The following EFHB variants were observed in gnomAD, a reference collection of about 807,000 sequenced individuals.
The protein encoded by EFHB is EF-hand domain family member B, also known as EF-hand domain-containing family member B.
A neutral mutation model predicts 87.2 loss-of-function variants in EFHB; 91 were observed. The ratio of observed to expected loss-of-function variants is 1.04; its 90% CI spans 0.88 to 1.24. EFHB has a LOEUF of 1.24. EFHB is among the 50% of genes most tolerant of loss of function. The pLI is 0.00. For missense variants in EFHB, 1,084 were observed against 998.8 expected (o/e 1.09, Z -1.15); for synonymous variants, 325 against 333.6 (o/e 0.97, Z 0.28).
Position 19,919,988 on chromosome 3 carries a change from G to A in EFHB, c.853-12C>T. On this transcript the variant is annotated splice_polypyrimidine_tract_variant and intron_variant, in intron 2 of 12. Transcript: ENST00000295824. ...GGTGGAGTAATTAGCTACAAAGAGTGAGGCAAGAAAATAGTATTAAGTACA... is the reference window on the plus strand; with the variant it reads ...GGTGGAGTAATTAGCTACAAAGAGTAAGGCAAGAAAATAGTATTAAGTACA... The A allele has an allele frequency of 6.2e-7, 1 of 1,613,380 alleles. No individual in the cohort carries two copies. Among genetic ancestry groups the A allele is most frequent in the Non-Finnish European group, 8.5e-7 (1 of 1,179,594 alleles).
chr3:19,898,765 T>G lies in EFHB; in HGVS notation c.1570+13A>C. On this transcript the variant is annotated intron_variant, in intron 8 of 12. Transcript: ENST00000295824. ...TGTTTGGGGTTTTTTACGGAGAAAG[T>G]GTGTATATTTACCATATTCCTCAGG... 5.0e-6 allele frequency: 8 copies of G among 1,612,790 alleles called. No homozygotes were observed. The highest frequency in any genetic ancestry group is 6.8e-6 in the Non-Finnish European group (8 of 1,179,282).
chr3:19,900,926 C>CAA (rs35992446), intron 6 of EFHB, among the ~76,000 whole-genome samples: 173 of 135,122 alleles, frequency 1.3e-3, no homozygotes, highest in South Asian at 8.9e-3. Flanking sequence ...GAGCCTGTCT[C>CAA]AAAAAAAAAA....
upstream of EFHB, among the ~76,000 whole-genome samples, chr3:19,938,786 T>G (rs1189076709): frequency 2.0e-5 from 3 of 152,176 alleles, no homozygotes; most frequent in African/African-American, 7.2e-5. Flanking sequence ...CGTGATCCAG[T>G]CTCTGCCAAC....
In EFHB at chr3:19,879,512, G is replaced by A. The variant is rs186516364; in HGVS notation, c.*119C>T. 4.5e-5 allele frequency: 47 copies of A among 1,047,074 alleles called. No individual in the cohort carries two copies. Among genetic ancestry groups the A allele is most frequent in the Admixed American group, 4.2e-4 (15 of 35,552 alleles). 64.9% of individuals were successfully genotyped at this position (1,047,074 alleles called of 1,614,324 possible). On this transcript the variant is annotated 3_prime_UTR_variant, in exon 13 of 13. Coordinates refer to ENST00000295824, the MANE Select transcript of EFHB (RefSeq NM_144715.4). ...TCTAATTTATTAGCAACACATACAG[G>A]CATATGAGTCTTACCACTGTGAACT...
chr3:19,889,918 C>A (rs149419702), intron 9 of EFHB, among the ~76,000 whole-genome samples: 1,798 of 152,202 alleles, frequency 0.012, 10 homozygotes, highest in Non-Finnish European at 0.019. Context: ...ATCCAGGAGG[C>A]CGAGGTTGCA....
chr3:19,894,016 A>G (rs1034721917), intron 9 of EFHB, among the ~76,000 whole-genome samples: 3 of 152,356 alleles, frequency 2.0e-5, no homozygotes, highest in Admixed American at 6.5e-5. Context: ...TAATTAGACA[A>G]TTAATTAAAA....
chr3:19,882,001 A>G (rs2071686603), intron 12 of EFHB, among the ~76,000 whole-genome samples: 1 of 149,930 alleles, frequency 6.7e-6, no homozygotes, highest in Admixed American at 6.8e-5. Flanking sequence ...TGTGGGCATC[A>G]TGTTTTCTGA....
chr3:19,898,082 A>T (rs74391356), intron 8 of EFHB, among the ~76,000 whole-genome samples: 9,597 of 152,194 alleles, frequency 0.063, 958 homozygotes, highest in African/African-American at 0.21. Context: ...AAAACCACTG[A>T]TATACAGCCC....
chr3:19,933,861 C>T lies in EFHB; in HGVS notation c.158G>A (p.Cys53Tyr). ...TTCTGGTGGTGCCATCCTTCCCTCACACTTATTACTAACCACAGGGCTCTC... is the reference window on the plus strand; with the variant it reads ...TTCTGGTGGTGCCATCCTTCCCTCATACTTATTACTAACCACAGGGCTCTC... ...CGESPVVSNK[C>Y]EGRMAPPETK... Residue 53 changes from cysteine (C) to tyrosine (Y), a missense_variant, in exon 1 of 13, where the codon TGT becomes TAT. Cys to Tyr is a radical substitution (Grantham distance 194, BLOSUM62 -2). Coordinates refer to ENST00000295824, the MANE Select transcript of EFHB (RefSeq NM_144715.4). 1 of 1,613,952 alleles carries T rather than the reference C, an allele frequency of 6.2e-7. No individual in the cohort carries two copies. Among genetic ancestry groups the T allele is most frequent in the Non-Finnish European group, 8.5e-7 (1 of 1,179,894 alleles).
chr3:19,936,480 C>T, upstream of EFHB: 1 of 447,732 alleles, frequency 2.2e-6, no homozygotes, highest in Non-Finnish European at 4.0e-6. Context: ...GGGAGGATCA[C>T]TTGAGCCCAG....
intron 10 of EFHB, among the ~76,000 whole-genome samples, chr3:19,884,949 C>T (rs1017901382): frequency 9.3e-5 from 14 of 151,056 alleles, no homozygotes; most frequent in African/African-American, 3.2e-4. Context: ...CGGCCAGGCA[C>T]GGTGGCTCAC....
intron 7 of EFHB, among the ~76,000 whole-genome samples, chr3:19,899,133 A>C (rs1025501530): frequency 6.6e-6 from 1 of 152,224 alleles, no homozygotes; most frequent in African/African-American, 2.4e-5. Flanking sequence ...CAAGACAGAC[A>C]GACAGGAAAG....
intron 12 of EFHB, among the ~76,000 whole-genome samples, chr3:19,880,482 C>A (rs2071647625): frequency 6.6e-6 from 1 of 152,018 alleles, no homozygotes; most frequent in Non-Finnish European, 1.5e-5. Context: ...GAACTCCTGA[C>A]CTCAAATGAT....
chr3:19,915,190 A>C (rs1372273852), intron 5 of EFHB, 113 bp downstream of exon 5: 1 of 640,668 alleles, frequency 1.6e-6, no homozygotes, highest in Middle Eastern at 2.5e-4. Context: ...ATATTGTATT[A>C]GTTACCTATT....
intron 6 of EFHB, among the ~76,000 whole-genome samples, chr3:19,903,184 A>C (rs999322561): frequency 2.0e-5 from 3 of 152,138 alleles, no homozygotes; most frequent in Non-Finnish European, 2.9e-5. Flanking sequence ...CTCAAAAAAA[A>C]AAAAAATACA....
At chr3:19,899,112 T>G (rs993016410) in intron 7 of EFHB, among the ~76,000 whole-genome samples, 4 of 152,030 alleles carry the variant, frequency 2.6e-5, no homozygotes, top group African/African-American at 9.7e-5. Flanking sequence ...TACCAAAGTA[T>G]AAATAGAGAG....
chr3:19,915,354 C>T lies in EFHB; in HGVS notation c.1237G>A (p.Gly413Arg). ...ACATACAAATCATGTCCTTCATTTC[C>T]TTCTTTAAATACTTCTTCATAGGAT... is the stretch of plus-strand genomic sequence containing the variant. ...PKSYEEVFKE[G>R]NEGHDLYVVS... Residue 413 changes from glycine (G) to arginine (R), a missense_variant, in exon 5 of 13, where the codon GGA becomes AGA. Physicochemically the swap from Gly to Arg is moderately radical, Grantham distance 125. Transcript: ENST00000295824. 1 of 1,613,202 alleles carries T rather than the reference C, an allele frequency of 6.2e-7. No individual in the cohort carries two copies. The highest frequency in any genetic ancestry group is 8.5e-7 in the Non-Finnish European group (1 of 1,179,444).
At chr3:19,913,734 CAAAGTAA>C (rs905408170) in intron 5 of EFHB, among the ~76,000 whole-genome samples, 2 of 151,986 alleles carry the variant, frequency 1.3e-5, no homozygotes, top group Non-Finnish European at 2.9e-5. Flanking sequence ...CCAGAATAGC[CAAAGTAA>C]AAAGATCAAA....
chr3:19,888,915 C>A (rs979179597), intron 9 of EFHB, among the ~76,000 whole-genome samples: 1 of 152,070 alleles, frequency 6.6e-6, no homozygotes, highest in African/African-American at 2.4e-5. Flanking sequence ...GTTTTTAATA[C>A]CTTCTGTGTT....
Sources: gnomAD v4.1 joint callset for allele counts (sites outside exome capture counted in the v4.1 genomes callset) on GRCh38, gnomAD v4.1.1 for gene constraint, MANE v1.5 for transcripts, NCBI Gene and HGNC (gene_info 2026-07-23, HGNC 2026-07-21) for gene names.